METTL8: variants seen among roughly 807,000 people sequenced by gnomAD.
METTL8 encodes the protein methyltransferase 8, tRNA N3-cytidine.
A neutral mutation model predicts 48.7 loss-of-function variants in METTL8; 32 were observed. The ratio of observed to expected loss-of-function variants is 0.66; its 90% CI spans 0.50 to 0.88. METTL8 has a LOEUF of 0.88. METTL8 is among the 40% of genes least tolerant of loss of function. METTL8 has a pLI of 0.00. For synonymous variants in METTL8, 136 were observed against 157.1 expected, an observed-to-expected ratio of 0.87 and a Z score of 1.01; for missense variants, 464 against 474.4, an observed-to-expected ratio of 0.98 and a Z score of 0.20.
intron 3 of METTL8, among the ~76,000 whole-genome samples, chr2:171,339,925 G>A (rs371448111): frequency 9.9e-4 from 151 of 152,022 alleles, no homozygotes; most frequent in African/African-American, 3.6e-3. Flanking sequence ...AGGTCCAGGC[G>A]CGGTGGCTCA....
chr2:171,394,905 C>T (rs929148547), intron 1 of METTL8, among the ~76,000 whole-genome samples: 4 of 152,094 alleles, frequency 2.6e-5, no homozygotes, highest in East Asian at 1.9e-4. Context: ...CCTTGCAGTG[C>T]GAAGGAAGTG....
At chr2:171,389,123 T>G (rs1167840341) in intron 2 of METTL8, among the ~76,000 whole-genome samples, 1 of 152,138 alleles carries the variant, frequency 6.6e-6, no homozygotes, top group Non-Finnish European at 1.5e-5. Context: ...AAGATTAAGC[T>G]TAGTGAGGAA....
At chr2:171,420,632 A>T (rs765578156) in intron 1 of METTL8, among the ~76,000 whole-genome samples, 2 of 152,238 alleles carry the variant, frequency 1.3e-5, no homozygotes, top group Non-Finnish European at 2.9e-5. Flanking sequence ...GCAAAAGTCC[A>T]GAGCTGAATG....
At chr2:171,341,477 G>A (rs1228202476) in intron 3 of METTL8, among the ~76,000 whole-genome samples, 1 of 151,864 alleles carries the variant, frequency 6.6e-6, no homozygotes, top group Non-Finnish European at 1.5e-5. Context: ...GACCTCAAGT[G>A]ATCTGCCTGC....
At chr2:171,333,469 A>C (rs1575735230) in intron 5 of METTL8, among the ~76,000 whole-genome samples, 1 of 152,326 alleles carries the variant, frequency 6.6e-6, no homozygotes, top group African/African-American at 2.4e-5. Flanking sequence ...ATTCTATGGC[A>C]CTAGGGATTT....
chr2:171,365,177 G>T (rs1283808214), intron 2 of METTL8, among the ~76,000 whole-genome samples: 1 of 152,074 alleles, frequency 6.6e-6, no homozygotes, highest in African/African-American at 2.4e-5. Context: ...CAGCTCCACG[G>T]CATTCCACAG....
At chr2:171,355,199 C>T (rs1684391285) in intron 3 of METTL8, among the ~76,000 whole-genome samples, 1 of 152,222 alleles carries the variant, frequency 6.6e-6, no homozygotes, top group South Asian at 2.1e-4. Context: ...TCAGGACCCT[C>T]AGCTGCAGGT....
chr2:171,363,792 T>TA (rs1685404264), intron 2 of METTL8, among the ~76,000 whole-genome samples: 1 of 97,434 alleles, frequency 1.0e-5, no homozygotes, highest in African/African-American at 4.1e-5. Flanking sequence ...TCCCCAAATT[T>TA]TATATATATA....
chr2:171,330,837 A>T, intron 6 of METTL8, 139 bp from the exon 7 acceptor site: 2 of 661,298 alleles, frequency 3.0e-6, no homozygotes, highest in Non-Finnish European at 2.5e-6. Context: ...CTTTTTTCCA[A>T]TTCAGTATTG....
chr2:171,423,939 T>C (rs1349311968), intron 1 of METTL8, among the ~76,000 whole-genome samples: 1 of 152,174 alleles, frequency 6.6e-6, no homozygotes, highest in African/African-American at 2.4e-5. Flanking sequence ...CCTAGAGGCC[T>C]AGGAGGGAAA....
chr2:171,325,048 C>T (rs541834896), intron 9 of METTL8, among the ~76,000 whole-genome samples: 41 of 142,324 alleles, frequency 2.9e-4, no homozygotes, highest in African/African-American at 7.3e-4. Context: ...TTTGAACCGG[C>T]GAGGTGGAGA....
At chr2:171,415,040 A>G (rs1036792900) in intron 1 of METTL8, among the ~76,000 whole-genome samples, 3 of 152,198 alleles carry the variant, frequency 2.0e-5, no homozygotes, top group African/African-American at 7.2e-5. Context: ...AGGCCTCCCC[A>G]GCCACATGAA....
chr2:171,375,258 G>A, intron 2 of METTL8: 1 of 1,082,520 alleles, frequency 9.2e-7, no homozygotes, highest in Non-Finnish European at 1.4e-6. Flanking sequence ...CATGACCGTT[G>A]TTCCTTCTTT....
chr2:171,356,952 A>ATGTTTTTTTTTTTG, intron 3 of METTL8, among the ~76,000 whole-genome samples: 1 of 78,468 alleles, frequency 1.3e-5, no homozygotes, highest in Non-Finnish European at 2.4e-5. Context: ...CAAAGACAAT[A>ATGTTTTTTTTTTTG]TTTTTTTTTT....
At position 171,325,822 on chromosome 2, in the gene METTL8, C is replaced by T; in HGVS notation, c.1033+19G>A. ...AAGAACGATTATGACCAATTATTTC[C>T]TTTTGTAGATTAGCATACCTTTTGT... On this transcript the variant is annotated intron_variant, in intron 9 of 9. Transcript: ENST00000375258. The T allele has an allele frequency of 6.9e-7, 1 of 1,455,696 alleles. No individual in the cohort carries two copies. Among genetic ancestry groups the T allele is most frequent in the Non-Finnish European group, 9.5e-7 (1 of 1,055,946 alleles). 90.2% of individuals were successfully genotyped at this position (1,455,696 alleles called of 1,614,324 possible). A position where few individuals can be genotyped will look rare whatever the true frequency, so the allele number is the denominator to read the frequency against.
intron 1 of METTL8, among the ~76,000 whole-genome samples, chr2:171,401,754 C>T (rs1376709284): frequency 6.6e-6 from 1 of 152,172 alleles, no homozygotes; most frequent in African/African-American, 2.4e-5. Context: ...TGGCATTTCA[C>T]ATTTAGACTT....
In METTL8 at chr2:171,320,584, T is replaced by C. The variant is rs908227294; in HGVS notation, c.*3588A>G. 3.9e-5 allele frequency: 6 copies of C among 152,250 alleles called. No homozygotes were observed. The highest frequency in any genetic ancestry group is 7.3e-5 in the Non-Finnish European group (5 of 68,044). The allele number at this position is 152,250 out of a possible 1,614,324, so 9.4% of individuals were successfully genotyped here. On this transcript the variant is annotated 3_prime_UTR_variant, in exon 10 of 10. Transcript: ENST00000375258. ...ACAAGGAGATCTGCTGGGGTTCCCATAGCAACATTAACTTATCTAAACTGC... is the reference window on the plus strand; with the variant it reads ...ACAAGGAGATCTGCTGGGGTTCCCACAGCAACATTAACTTATCTAAACTGC...
At chr2:171,410,472 C>T (rs1216415444) in intron 1 of METTL8, among the ~76,000 whole-genome samples, 1 of 152,200 alleles carries the variant, frequency 6.6e-6, no homozygotes. Context: ...TGTCAACCAA[C>T]TCCCTGCCAC....
At chr2:171,332,181 C>T (rs1014012758) in intron 5 of METTL8, 7 of 195,812 alleles carry the variant, frequency 3.6e-5, no homozygotes, top group African/African-American at 4.6e-5. Flanking sequence ...CCACTGTGCT[C>T]GGCCAGAAGA....
Sources: allele counts gnomAD v4.1 joint callset (sites outside exome capture counted in the v4.1 genomes callset), GRCh38; gene constraint gnomAD v4.1.1; transcripts MANE v1.5; gene names NCBI Gene and HGNC (gene_info 2026-07-23, HGNC 2026-07-21).